ROBO2: variants seen among roughly 807,000 people sequenced by gnomAD.
The protein encoded by ROBO2 is roundabout guidance receptor 2, also known as roundabout homolog 2.
ROBO2 carries 53 observed loss-of-function variants against 160.8 expected under a neutral mutation model. The observed-to-expected ratio is 0.33, with a 90% CI of 0.26 to 0.41. The LOEUF (loss-of-function observed/expected upper bound fraction) is 0.41. ROBO2 is among the 10% of genes least tolerant of loss of function. ROBO2 has a pLI of 1.00. For synonymous variants in ROBO2, 664 were observed against 611.7 expected, an observed-to-expected ratio of 1.09 and a Z score of -1.26; for missense variants, 1,577 against 1,722.4, an observed-to-expected ratio of 0.92 and a Z score of 1.49.
At chr3:77,109,045 G>C (rs1282365000) in intron 2 of ROBO2, among the ~76,000 whole-genome samples, 1 of 151,968 alleles carries the variant, frequency 6.6e-6, no homozygotes, top group East Asian at 1.9e-4. Flanking sequence ...GTAGGATGAG[G>C]ATTAAGTTGA....
intron 2 of ROBO2, among the ~76,000 whole-genome samples, chr3:76,904,627 C>A (rs147844803): frequency 5.3e-5 from 8 of 152,110 alleles, no homozygotes; most frequent in Non-Finnish European, 7.4e-5. Context: ...GACAGTTCTC[C>A]ATCCCGTGGC....
At chr3:76,507,039 A>C (rs1423196227) in intron 2 of ROBO2, among the ~76,000 whole-genome samples, 1 of 152,160 alleles carries the variant, frequency 6.6e-6, no homozygotes, top group Non-Finnish European at 1.5e-5. Context: ...CAATTGTAAC[A>C]ATTTAATAAT....
chr3:76,365,039 A>C (rs1337267058), intron 2 of ROBO2, among the ~76,000 whole-genome samples: 2 of 151,742 alleles, frequency 1.3e-5, no homozygotes, highest in African/African-American at 4.9e-5. Flanking sequence ...GAGAGATTAA[A>C]GTAAGGCCAG....
chr3:76,668,137 A>T (rs542848730), intron 2 of ROBO2, among the ~76,000 whole-genome samples: 18 of 152,228 alleles, frequency 1.2e-4, no homozygotes, highest in African/African-American at 4.3e-4. Flanking sequence ...TGGAAATTAC[A>T]AATTCAGACT....
chr3:76,252,969 A>C (rs1284292876), intron 2 of ROBO2, among the ~76,000 whole-genome samples: 1 of 152,022 alleles, frequency 6.6e-6, no homozygotes, highest in East Asian at 1.9e-4. Context: ...TTTGCTGTTA[A>C]GGTTTTGAAC....
At chr3:76,085,343 C>T (rs1033118320) in intron 2 of ROBO2, among the ~76,000 whole-genome samples, 3 of 152,016 alleles carry the variant, frequency 2.0e-5, no homozygotes, top group African/African-American at 7.3e-5. Flanking sequence ...TTTCGTTGAC[C>T]TGATTTACAA....
At chr3:76,316,585 A>G (rs1478603659) in intron 2 of ROBO2, among the ~76,000 whole-genome samples, 2 of 152,268 alleles carry the variant, frequency 1.3e-5, no homozygotes, top group Middle Eastern at 3.4e-3. Flanking sequence ...TTTACAATCA[A>G]TTTGTACAGT....
chr3:76,930,836 G>T lies in ROBO2; in HGVS notation c.110-167178G>T, dbSNP rs76226352. ...AGTGGATTGGAAAATTCCCAGCCACGTTGGTAAGAGCAATCTTCTCTACTC... is the reference window on the plus strand; with the variant it reads ...AGTGGATTGGAAAATTCCCAGCCACTTTGGTAAGAGCAATCTTCTCTACTC... On this transcript the variant is annotated intron_variant, in intron 2 of 26. Coordinates refer to the ROBO2 transcript ENST00000487694. 5.9e-3 allele frequency among the ~76,000 whole-genome samples: 902 copies of T among 152,270 alleles called. 8 individuals are homozygous for T. The highest frequency in any genetic ancestry group is 0.02 in the African/African-American group (844 of 41,546).
intron 2 of ROBO2, among the ~76,000 whole-genome samples, chr3:76,304,907 C>T (rs1044745117): frequency 6.6e-6 from 1 of 151,586 alleles, no homozygotes; most frequent in East Asian, 1.9e-4. Flanking sequence ...TTCCAGCACT[C>T]AAGCGGGGTA....
chr3:76,021,913 AT>A (rs370709030), intron 2 of ROBO2, among the ~76,000 whole-genome samples: 841 of 139,848 alleles, frequency 6.0e-3, no homozygotes, highest in Admixed American at 6.2e-3. Flanking sequence ...TTCGTGAAAG[AT>A]TTTTTTTTTT....
chr3:76,417,586 G>A (rs1034885468), intron 2 of ROBO2, among the ~76,000 whole-genome samples: 13 of 151,898 alleles, frequency 8.6e-5, no homozygotes, highest in Admixed American at 3.3e-4. Flanking sequence ...AAAAAAGGAG[G>A]GGTTTATTCA....
intron 2 of ROBO2, among the ~76,000 whole-genome samples, chr3:76,159,320 C>T (rs923084645): frequency 1.3e-5 from 2 of 152,164 alleles, no homozygotes; most frequent in African/African-American, 4.8e-5. Context: ...AAACAGTTCT[C>T]TTGACAATAC....
chr3:75,943,605 A>T (rs918488953), intron 2 of ROBO2, among the ~76,000 whole-genome samples: 1 of 152,186 alleles, frequency 6.6e-6, no homozygotes, highest in African/African-American at 2.4e-5. Context: ...TGTAAAGAGG[A>T]ATAGAAATAA....
intron 2 of ROBO2, among the ~76,000 whole-genome samples, chr3:77,194,035 A>G (rs904841887): frequency 2.0e-5 from 3 of 152,228 alleles, no homozygotes; most frequent in African/African-American, 7.2e-5. Flanking sequence ...AAGCAAATAA[A>G]AGCAAAGTAA....
chr3:76,145,313 A>G (rs764238076), intron 2 of ROBO2, among the ~76,000 whole-genome samples: 131 of 152,184 alleles, frequency 8.6e-4, no homozygotes, highest in Middle Eastern at 3.4e-3. Flanking sequence ...ATAAAGGCAT[A>G]AAAGAAACAT....
intron 2 of ROBO2, among the ~76,000 whole-genome samples, chr3:76,392,387 G>C (rs796886518): frequency 6.6e-6 from 1 of 152,074 alleles, no homozygotes; most frequent in South Asian, 2.1e-4. Context: ...GTACAGTTCA[G>C]ATACCTGTAC....
intron 2 of ROBO2, among the ~76,000 whole-genome samples, chr3:76,775,239 T>A (rs1173846352): frequency 6.6e-6 from 1 of 150,720 alleles, no homozygotes; most frequent in Non-Finnish European, 1.5e-5. Context: ...TTTTACTGTT[T>A]TGACAGGCTT....
intron 2 of ROBO2, among the ~76,000 whole-genome samples, chr3:76,297,610 A>G (rs372892404): frequency 1.3e-5 from 2 of 151,682 alleles, no homozygotes; most frequent in East Asian, 1.9e-4. Context: ...ATTATTTCCA[A>G]GGAAGAAAAT....
intron 2 of ROBO2, among the ~76,000 whole-genome samples, chr3:76,359,248 T>A (rs1037323328): frequency 1.3e-4 from 19 of 151,932 alleles, no homozygotes; most frequent in Non-Finnish European, 2.6e-4. Context: ...TGCATGTGTC[T>A]TGGATGCTGT....
Sources: allele counts gnomAD v4.1 joint callset (sites outside exome capture counted in the v4.1 genomes callset), GRCh38; gene constraint gnomAD v4.1.1; transcripts MANE v1.5; gene names NCBI Gene and HGNC (gene_info 2026-07-23, HGNC 2026-07-21).